Variants in DAB1 observed in about 807,000 individuals in gnomAD.
DAB1 encodes disabled homolog 1.
Under a neutral mutation model 64.6 loss-of-function variants are expected in DAB1, and 15 were observed. The observed-to-expected ratio is 0.23, with a 90% confidence interval of 0.16 to 0.36. The LOEUF is 0.36. Ranked by LOEUF, DAB1 falls within the 10% of genes least tolerant of loss-of-function variation. DAB1 has a pLI of 1.00. For missense variants in DAB1, 596 were observed against 706.7 expected, an observed-to-expected ratio of 0.84 and a Z score of 1.78; for synonymous variants, 235 against 251.9, an observed-to-expected ratio of 0.93 and a Z score of 0.64.
chr1:57,337,935 T>C (rs1243803937), intron 1 of DAB1, among the ~76,000 whole-genome samples: 4 of 143,806 alleles, frequency 2.8e-5, no homozygotes, highest in Non-Finnish European at 4.6e-5. Context: ...CTTTTTTCTC[T>C]CTCTCTTCCT....
chr1:57,281,149 T>G (rs1385249159), intron 2 of DAB1, among the ~76,000 whole-genome samples: 1 of 152,142 alleles, frequency 6.6e-6, no homozygotes, highest in Non-Finnish European at 1.5e-5. Context: ...GTGGCAGAAC[T>G]AAAGTGGCTG....
In DAB1 at chr1:58,154,452, CTTCATTCA is replaced by C. The variant is rs143773624; in HGVS notation, n.310-3872_310-3865del. On this transcript the variant is annotated intron_variant and non_coding_transcript_variant, in intron 4 of 20. Coordinates refer to the DAB1 transcript ENST00000485760. ...GACAGGAGTCCTGTGTCATGCAGTT[CTTCATTCA>C]TTCATTCATTCATTCATTCATTCAT... is the stretch of plus-strand genomic sequence containing the variant. Among the ~76,000 whole-genome samples the C allele has an allele frequency of 5.2e-3, 793 of 151,182 alleles. 4 individuals carry two copies. Among genetic ancestry groups the C allele is most frequent in the African/African-American group, 0.017 (681 of 41,104 alleles).
At chr1:57,276,418 G>A (rs900992678) in intron 2 of DAB1, among the ~76,000 whole-genome samples, 1 of 152,246 alleles carries the variant, frequency 6.6e-6, no homozygotes, top group Non-Finnish European at 1.5e-5. Context: ...ATAAGTAAAT[G>A]TAGGCCAAAG....
At chr1:57,777,180 A>C (rs1649850756) in intron 6 of DAB1, among the ~76,000 whole-genome samples, 1 of 137,496 alleles carries the variant, frequency 7.3e-6, no homozygotes, top group African/African-American at 2.7e-5. Flanking sequence ...AAATCAGTGA[A>C]CCTTCTTATT....
chr1:57,842,610 G>A (rs1653105325), intron 1 of DAB1, among the ~76,000 whole-genome samples: 1 of 152,182 alleles, frequency 6.6e-6, no homozygotes, highest in Non-Finnish European at 1.5e-5. Flanking sequence ...AGAAGGCAAA[G>A]GTAAGGCAAG....
rs1242052182 is a variant in DAB1, at chr1:57,162,864, G to T, written c.68-17435C>A. ...GTGCAAATCAATTATTTACTGAGAA[G>T]GCTGCAATATAAATTACATTTGATT... On this transcript the variant is annotated intron_variant, in intron 2 of 14. Coordinates refer to ENST00000371236, the MANE Select transcript of DAB1 (RefSeq NM_001365792.1). Among the ~76,000 whole-genome samples the T allele has an allele frequency of 2.0e-5, 3 of 152,200 alleles. No individual in the cohort carries two copies. The East Asian group carries it at 5.8e-4, about 29-fold the overall frequency.
intron 7 of DAB1, among the ~76,000 whole-genome samples, chr1:57,485,421 G>C (rs1334477816): frequency 1.3e-5 from 2 of 152,180 alleles, no homozygotes; most frequent in African/African-American, 4.8e-5. Context: ...AAGGTTATTT[G>C]GAGGAATAAG....
At chr1:57,480,351 G>C (rs1428898427) in intron 7 of DAB1, among the ~76,000 whole-genome samples, 1 of 152,104 alleles carries the variant, frequency 6.6e-6, no homozygotes, top group African/African-American at 2.4e-5. Flanking sequence ...TGTGGGATGA[G>C]ATATATTTTA....
intron 6 of DAB1, among the ~76,000 whole-genome samples, chr1:57,803,182 A>G (rs1651208354): frequency 6.6e-6 from 1 of 152,234 alleles, no homozygotes; most frequent in African/African-American, 2.4e-5. Flanking sequence ...GGGTTCAAAG[A>G]AGGAAAAATT....
At chr1:58,210,313 A>C (rs1455547272) in intron 4 of DAB1, among the ~76,000 whole-genome samples, 1 of 152,178 alleles carries the variant, frequency 6.6e-6, no homozygotes, top group East Asian at 1.9e-4. Context: ...CAGAAGCTGG[A>C]ATTGGTATAG....
In DAB1 at chr1:58,109,882, C is replaced by A. The variant is rs573145588; in HGVS notation, n.387+40629G>T. 2.6e-5 allele frequency among the ~76,000 whole-genome samples: 4 copies of A among 152,054 alleles called. No homozygotes were observed. In the South Asian group the frequency reaches 8.3e-4, roughly 32 times the overall value. ...TTTTTGATCTGCCCACCACTGCCCC[C>A]ACTCCATGTCTGAAGCCTTCTCCCT... On this transcript the variant is annotated intron_variant and non_coding_transcript_variant, in intron 5 of 20. Transcript: ENST00000485760.
Position 57,361,388 on chromosome 1 carries a change from C to G in DAB1, c.-137+62542G>C, listed in dbSNP as rs1213456573. Among the ~76,000 whole-genome samples the G allele has an allele frequency of 3.9e-5, 6 of 152,104 alleles. No homozygotes were observed. In the East Asian group the frequency reaches 1.2e-3, roughly 29 times the overall value. On this transcript the variant is annotated intron_variant, in intron 1 of 14. Transcript: ENST00000371236. ...ATATGACCACATATGTATGTAACAT[C>G]TCTACACTTCAGTTTCCTCATATAA...
rs139081590 is a variant in DAB1, at chr1:58,174,752, A to G, written n.310-24164T>C. ...TCAGTGCTCTGTGTCTAGCTAAAGG[A>G]TTGTAAATGCACCAATCAGCACTCT... On this transcript the variant is annotated intron_variant and non_coding_transcript_variant, in intron 4 of 20. Transcript: ENST00000485760. Among the ~76,000 whole-genome samples, 50 of 152,300 alleles carry G rather than the reference A, an allele frequency of 3.3e-4. 1 individual carries two copies. The East Asian group carries it at 8.5e-3, about 26-fold the overall frequency.
At chr1:57,957,087 AAGG>A (rs1280205813) in intron 5 of DAB1, among the ~76,000 whole-genome samples, 1 of 152,192 alleles carries the variant, frequency 6.6e-6, no homozygotes, top group African/African-American at 2.4e-5. Flanking sequence ...AAAATTTTGA[AAGG>A]AGGAGCATGT....
At chr1:58,282,135 T>C (rs1661577978) in intron 4 of DAB1, among the ~76,000 whole-genome samples, 1 of 152,152 alleles carries the variant, frequency 6.6e-6, no homozygotes, top group Non-Finnish European at 1.5e-5. Context: ...AGGGAATAGA[T>C]CCTAGGATTC....
At chr1:57,800,520 A>G (rs1651072998) in intron 6 of DAB1, among the ~76,000 whole-genome samples, 1 of 152,190 alleles carries the variant, frequency 6.6e-6, no homozygotes, top group South Asian at 2.1e-4. Flanking sequence ...CCAAGCACTA[A>G]AATTAAATCT....
intron 6 of DAB1, among the ~76,000 whole-genome samples, chr1:57,695,355 AAGAAAG>A (rs1410059388): frequency 3.0e-5 from 1 of 33,808 alleles, no homozygotes; most frequent in Non-Finnish European, 6.6e-5. Context: ...AAAGAAAGAA[AAGAAAG>A]AAGAAAGAAA....
chr1:58,153,631 G>A lies in DAB1; in HGVS notation n.310-3043C>T, dbSNP rs192369098. On this transcript the variant is annotated intron_variant and non_coding_transcript_variant, in intron 4 of 20. Transcript: ENST00000485760. ...AAGCTGAACCATTCAACCTAGAGCT[G>A]TAATGTGGGGTGATTGTTACATTTC... 5.3e-5 allele frequency among the ~76,000 whole-genome samples: 8 copies of A among 152,186 alleles called. No homozygotes were observed. In the East Asian group the frequency reaches 1.5e-3, roughly 29 times the overall value.
intron 6 of DAB1, among the ~76,000 whole-genome samples, chr1:57,817,719 C>A (rs1651933625): frequency 6.6e-6 from 1 of 152,176 alleles, no homozygotes. Flanking sequence ...ATCCATAATA[C>A]AGCTGGTATA....
Sources: gnomAD v4.1 joint callset for allele counts (sites outside exome capture counted in the v4.1 genomes callset) on GRCh38, gnomAD v4.1.1 for gene constraint, MANE v1.5 for transcripts, NCBI Gene and HGNC (gene_info 2026-07-23, HGNC 2026-07-21) for gene names.